The following LINGO2 variants were observed in gnomAD, a reference collection of about 807,000 sequenced individuals.
LINGO2 encodes the protein leucine-rich repeat and immunoglobulin-like domain-containing nogo receptor-interacting protein 2.
Under a neutral mutation model 30.6 loss-of-function variants are expected in LINGO2, and 14 were observed. The observed-to-expected ratio is 0.46, with a 90% CI of 0.30 to 0.72. The LOEUF is 0.72. Ranked by LOEUF, LINGO2 falls within the 30% of genes least tolerant of loss-of-function variation. The pLI, the probability that LINGO2 is intolerant of heterozygous loss-of-function variation, is 0.07. For synonymous variants in LINGO2, 317 were observed against 288.5 expected, an observed-to-expected ratio of 1.10 and a Z score of -1.00; for missense variants, 729 against 751.7, an observed-to-expected ratio of 0.97 and a Z score of 0.35.
chr9:28,043,585 G>A (rs1008388560), intron 4 of LINGO2, among the ~76,000 whole-genome samples: 1 of 152,148 alleles, frequency 6.6e-6, no homozygotes, highest in African/African-American at 2.4e-5. Flanking sequence ...CCCCATTTTT[G>A]AGAACTTTTC....
chr9:28,769,518 ATTTTTTTTTTTTTT>A, the LINGO2 span, among the ~76,000 whole-genome samples: 46 of 4,070 alleles, frequency 0.011, 6 homozygotes, highest in African/African-American at 0.018. Context: ...ATATATATAT[ATTTTTTTTTTTTTT>A]TTTTTTTTTT....
chr9:28,821,384 A>G, the LINGO2 span, among the ~76,000 whole-genome samples: 1 of 152,212 alleles, frequency 6.6e-6, no homozygotes, highest in Non-Finnish European at 1.5e-5. Context: ...ACAAATGAGC[A>G]AGGGAAGTAG....
At chr9:28,602,390 A>G (rs1003366106) in intron 1 of LINGO2, among the ~76,000 whole-genome samples, 2 of 152,142 alleles carry the variant, frequency 1.3e-5, no homozygotes, top group Non-Finnish European at 2.9e-5. Flanking sequence ...TTGGCTATTA[A>G]TGACAAGGAC....
chr9:28,694,240 A>G, the LINGO2 span, among the ~76,000 whole-genome samples: 3,729 of 151,988 alleles, frequency 0.025, 159 homozygotes, highest in African/African-American at 0.082. Flanking sequence ...TTAATCTAAT[A>G]TATTAAAATA....
the LINGO2 span, among the ~76,000 whole-genome samples, chr9:28,969,997 A>C: frequency 6.6e-6 from 1 of 152,182 alleles, no homozygotes; most frequent in African/African-American, 2.4e-5. Context: ...TGTGTTTATG[A>C]TTCATCAGCA....
chr9:28,149,242 C>T (rs1827910797), intron 4 of LINGO2: 1 of 826,414 alleles, frequency 1.2e-6, no homozygotes, highest in South Asian at 1.7e-5. Context: ...TGTAATCAAG[C>T]ACTTTGGGAG....
chr9:28,989,469 G>A, the LINGO2 span, among the ~76,000 whole-genome samples: 4 of 152,198 alleles, frequency 2.6e-5, no homozygotes, highest in Admixed American at 2.0e-4. Flanking sequence ...ATTGTAACTC[G>A]ATCACCAGGT....
At chr9:28,937,745 G>A in the LINGO2 span, among the ~76,000 whole-genome samples, 7 of 152,166 alleles carry the variant, frequency 4.6e-5, no homozygotes, top group Non-Finnish European at 8.8e-5. Context: ...TGCGGTGTGA[G>A]TGGCAGACCT....
At chr9:28,549,580 T>C (rs1300023968) in intron 1 of LINGO2, among the ~76,000 whole-genome samples, 1 of 152,048 alleles carries the variant, frequency 6.6e-6, no homozygotes, top group Non-Finnish European at 1.5e-5. Flanking sequence ...AGTAGCAGTG[T>C]ATGAAAGCTG....
At chr9:28,754,485 CA>C in the LINGO2 span, among the ~76,000 whole-genome samples, 2 of 151,948 alleles carry the variant, frequency 1.3e-5, no homozygotes, top group Non-Finnish European at 2.9e-5. Flanking sequence ...CATTCAAATC[CA>C]AATCTACAGG....
At chr9:27,948,629 G>A (rs1167952604) in exon 6 of LINGO2, 3 of 487,378 alleles carry the variant, frequency 6.2e-6, no homozygotes, top group East Asian at 6.5e-5. Flanking sequence ...TATTTGCAAC[G>A]CAAACACTTA....
chr9:28,188,889 T>C (rs1164584426), intron 4 of LINGO2, among the ~76,000 whole-genome samples: 2 of 152,206 alleles, frequency 1.3e-5, no homozygotes, highest in Non-Finnish European at 2.9e-5. Flanking sequence ...ACTTTAAAAC[T>C]GATTTTGTGA....
intron 1 of LINGO2, among the ~76,000 whole-genome samples, chr9:28,498,463 C>T (rs191455270): frequency 1.1e-3 from 170 of 152,238 alleles, no homozygotes; most frequent in South Asian, 2.5e-3. Context: ...GAGCCAGGCA[C>T]GGGTTATAAT....
At chr9:29,189,461 G>A in the LINGO2 span, among the ~76,000 whole-genome samples, 3 of 151,398 alleles carry the variant, frequency 2.0e-5, no homozygotes, top group South Asian at 2.1e-4. Flanking sequence ...ACGGGGTCGC[G>A]CCGGGCAGAG....
At chr9:28,752,987 T>A in the LINGO2 span, among the ~76,000 whole-genome samples, 17 of 152,050 alleles carry the variant, frequency 1.1e-4, no homozygotes, top group African/African-American at 4.1e-4. Flanking sequence ...ATGGGACACA[T>A]CATCACTTCC....
At chr9:27,993,981 A>G (rs555387948) in intron 5 of LINGO2, among the ~76,000 whole-genome samples, 2 of 152,152 alleles carry the variant, frequency 1.3e-5, no homozygotes, top group South Asian at 2.1e-4. Flanking sequence ...GTGGAATAAA[A>G]CTAAAAATAA....
intron 4 of LINGO2, among the ~76,000 whole-genome samples, chr9:28,140,758 T>G (rs1243187539): frequency 6.6e-6 from 1 of 152,196 alleles, no homozygotes; most frequent in Non-Finnish European, 1.5e-5. Flanking sequence ...ATTACTTGGT[T>G]AATATTCTGT....
chr9:28,988,028 T>C, the LINGO2 span, among the ~76,000 whole-genome samples: 1 of 152,210 alleles, frequency 6.6e-6, no homozygotes, highest in Admixed American at 6.5e-5. Flanking sequence ...AACTGTTTTA[T>C]GCAGGTCTGC....
chr9:29,086,646 T>A, the LINGO2 span, among the ~76,000 whole-genome samples: 6 of 152,186 alleles, frequency 3.9e-5, no homozygotes, highest in East Asian at 1.2e-3. Flanking sequence ...CAAGGAAATA[T>A]AATTTTAGTT....
Sources: gnomAD v4.1 joint callset for allele counts (sites outside exome capture counted in the v4.1 genomes callset) on GRCh38, gnomAD v4.1.1 for gene constraint, MANE v1.5 for transcripts, NCBI Gene and HGNC (gene_info 2026-07-23, HGNC 2026-07-21) for gene names.